TMEM131: variants seen among roughly 807,000 people sequenced by gnomAD.
TMEM131 encodes transmembrane protein 131, also known as 2610524E03Rik.
TMEM131 carries 66 observed loss-of-function variants against 211.6 expected under a neutral mutation model. The observed-to-expected ratio is 0.31, with a 90% confidence interval of 0.26 to 0.38. The LOEUF (loss-of-function observed/expected upper bound fraction) is 0.38, where lower values mean the gene tolerates loss of function less well. TMEM131 is among the 10% of genes least tolerant of loss of function. The pLI, the probability that TMEM131 is intolerant of heterozygous loss-of-function variation, is 1.00. For missense variants in TMEM131, 2,036 were observed against 2,299.3 expected (o/e 0.89, Z 2.34); for synonymous variants, 844 against 841.3 (o/e 1.00, Z -0.06).
At chr2:97,961,278 C>A (rs559566753) in intron 1 of TMEM131, among the ~76,000 whole-genome samples, 1 of 151,950 alleles carries the variant, frequency 6.6e-6, no homozygotes, top group Admixed American at 6.5e-5. Flanking sequence ...GGAAAAAATA[C>A]AATCGGTTGT....
At chr2:97,818,428 G>GAATCAATCAA (rs1022671880) in intron 12 of TMEM131, among the ~76,000 whole-genome samples, 185 bp downstream of exon 12, 2 of 118,930 alleles carry the variant, frequency 1.7e-5, no homozygotes, top group African/African-American at 6.3e-5. Flanking sequence ...TTTCTCTCAT[G>GAATCAATCAA]AATCAATCAA....
At chr2:97,821,927 G>A (rs1363327082) in intron 11 of TMEM131, among the ~76,000 whole-genome samples, 2 of 152,158 alleles carry the variant, frequency 1.3e-5, no homozygotes. Flanking sequence ...GGTCAACAGA[G>A]AGGAAAGCCA....
At chr2:97,879,634 A>T (rs1413248475) in intron 4 of TMEM131, among the ~76,000 whole-genome samples, 3 of 152,202 alleles carry the variant, frequency 2.0e-5, no homozygotes. Context: ...TGACAGCAAG[A>T]CTATCACTTC....
intron 32 of TMEM131, 86 bp from the exon 33 acceptor site, chr2:97,772,510 A>G (rs1679514947): frequency 7.0e-7 from 1 of 1,427,246 alleles, no homozygotes; most frequent in Non-Finnish European, 9.5e-7. Flanking sequence ...CACAAAATCA[A>G]AGATGTAAAA....
intron 22 of TMEM131, among the ~76,000 whole-genome samples, chr2:97,804,507 A>G: frequency 6.6e-6 from 1 of 151,848 alleles, no homozygotes. Context: ...TACCAAAAAT[A>G]CAAAAATTAG....
chr2:97,843,840 G>A (rs1390827238), intron 6 of TMEM131, among the ~76,000 whole-genome samples: 1 of 152,124 alleles, frequency 6.6e-6, no homozygotes, highest in Non-Finnish European at 1.5e-5. Context: ...TATCAAGTAT[G>A]CTTCATAAGT....
intron 31 of TMEM131, among the ~76,000 whole-genome samples, chr2:97,782,505 A>G (rs1680058849): frequency 6.6e-6 from 1 of 152,212 alleles, no homozygotes; most frequent in Non-Finnish European, 1.5e-5. Flanking sequence ...AAACACAAAC[A>G]AAACAATAAA....
chr2:97,909,320 T>A (rs1480637616), intron 2 of TMEM131, among the ~76,000 whole-genome samples: 4 of 151,986 alleles, frequency 2.6e-5, no homozygotes, highest in African/African-American at 4.8e-5. Context: ...GTTGGTATGT[T>A]CAAGAAACAG....
intron 32 of TMEM131, among the ~76,000 whole-genome samples, chr2:97,774,121 G>A (rs1023629427): frequency 2.6e-5 from 4 of 152,240 alleles, no homozygotes; most frequent in Admixed American, 2.6e-4. Flanking sequence ...AATAACCAGA[G>A]CTAGGGCTAA....
At chr2:97,975,025 T>C (rs1247015578) in intron 1 of TMEM131, among the ~76,000 whole-genome samples, 1 of 152,130 alleles carries the variant, frequency 6.6e-6, no homozygotes, top group African/African-American at 2.4e-5. Flanking sequence ...TCTTCTCAAA[T>C]GCACACATTC....
intron 1 of TMEM131, among the ~76,000 whole-genome samples, chr2:97,963,753 G>C (rs538355700): frequency 6.6e-6 from 1 of 152,184 alleles, no homozygotes; most frequent in Non-Finnish European, 1.5e-5. Context: ...TTTTGAGATT[G>C]CTAGAATAAT....
At chr2:97,787,270 G>A (rs1367236705) in intron 31 of TMEM131, among the ~76,000 whole-genome samples, 2 of 152,210 alleles carry the variant, frequency 1.3e-5, no homozygotes, top group African/African-American at 2.4e-5. Flanking sequence ...TCGTTAGTCT[G>A]AGCTAGTTAG....
At chr2:97,807,855 C>T (rs1484273646) in intron 19 of TMEM131, among the ~76,000 whole-genome samples, 1 of 152,058 alleles carries the variant, frequency 6.6e-6, no homozygotes, top group East Asian at 1.9e-4. Context: ...ATAGTCAGTA[C>T]AAAGTGGAAT....
chr2:97,801,011 C>G (rs980395697), intron 25 of TMEM131, among the ~76,000 whole-genome samples: 4 of 152,202 alleles, frequency 2.6e-5, no homozygotes, highest in Admixed American at 2.6e-4. Context: ...GCCTTAAAGA[C>G]AGAGTTATAA....
Position 97,927,454 on chromosome 2 carries a change from A to G in TMEM131, c.221T>C (p.Leu74Pro), listed in dbSNP as rs531642586. Residue 74 changes from leucine (L) to proline (P), a missense_variant, in exon 2 of 41, where the codon CTG (leucine) becomes CCG (proline). Coordinates refer to ENST00000186436, the MANE Select transcript of TMEM131 (RefSeq NM_015348.2). ...FVQSESIIEV[L>P]RFDDGGLLQT... ...TAGTAGCCCTCCATCATCAAAACGC[A>G]GTACTTCTATTATGCTCTCTGACTG... 7 of 1,593,934 alleles carry G rather than the reference A, an allele frequency of 4.4e-6. No individual in the cohort carries two copies. In the South Asian group the frequency reaches 8.2e-5, roughly 19 times the overall value.
At chr2:97,788,780 G>A (rs536538851) in intron 31 of TMEM131, among the ~76,000 whole-genome samples, 12 of 152,274 alleles carry the variant, frequency 7.9e-5, no homozygotes, top group African/African-American at 2.6e-4. Context: ...TTGTGGTCAC[G>A]TCTGAAACCT....
At chr2:97,903,327 T>C (rs1675934645) in intron 3 of TMEM131, among the ~76,000 whole-genome samples, 1 of 152,114 alleles carries the variant, frequency 6.6e-6, no homozygotes. Context: ...AATACCTGGA[T>C]AAAAATGAAC....
At chr2:97,886,650 A>G (rs1350678759) in intron 4 of TMEM131, among the ~76,000 whole-genome samples, 1 of 152,004 alleles carries the variant, frequency 6.6e-6, no homozygotes, top group African/African-American at 2.4e-5. Context: ...CAGGTCAGGG[A>G]TGTGTGCATC....
intron 4 of TMEM131, among the ~76,000 whole-genome samples, chr2:97,870,643 T>G (rs193033621): frequency 2.6e-5 from 4 of 152,332 alleles, no homozygotes; most frequent in Non-Finnish European, 5.9e-5. Context: ...AGGGCAAGTT[T>G]CCTACACCAC....
Sources: allele counts gnomAD v4.1 joint callset (sites outside exome capture counted in the v4.1 genomes callset), GRCh38; gene constraint gnomAD v4.1.1; transcripts MANE v1.5; gene names NCBI Gene and HGNC (gene_info 2026-07-23, HGNC 2026-07-21).